PALLD: variants seen among roughly 807,000 people sequenced by gnomAD.
PALLD encodes palladin, cytoskeletal associated protein, also known as palladin.
PALLD carries 61 observed loss-of-function variants against 123.5 expected under a neutral mutation model. That is an observed-to-expected ratio of 0.49 (90% CI 0.40 to 0.61). The LOEUF (loss-of-function observed/expected upper bound fraction) is 0.61. PALLD is among the 20% of genes least tolerant of loss of function. PALLD has a pLI of 0.00. For missense variants in PALLD, 1,273 were observed against 1,377.0 expected (o/e 0.92, Z 1.20); for synonymous variants, 465 against 496.4 (o/e 0.94, Z 0.84).
intron 17 of PALLD, among the ~76,000 whole-genome samples, chr4:168,920,617 GTTA>G (rs1761281621): frequency 6.6e-6 from 1 of 152,082 alleles, no homozygotes; most frequent in African/African-American, 2.4e-5. Flanking sequence ...GGCACAACAT[GTTA>G]TTAGCAATTA....
At chr4:168,682,160 C>A (rs905701244) in intron 4 of PALLD, among the ~76,000 whole-genome samples, 1 of 152,058 alleles carries the variant, frequency 6.6e-6, no homozygotes, top group South Asian at 2.1e-4. Flanking sequence ...CAAAGACATA[C>A]CAATTATTAA....
Position 168,580,528 on chromosome 4 carries a change from G to A in PALLD, c.908+68116G>A, listed in dbSNP as rs376861971. On this transcript the variant is annotated intron_variant, in intron 2 of 21. Transcript: ENST00000505667. ...AAATGCTTATACACTGCTGGTGAGA[G>A]TATAAATTACTTCAACCATTGTGGA... 1.2e-4 allele frequency among the ~76,000 whole-genome samples: 19 copies of A among 152,092 alleles called. 1 individual carries two copies. The East Asian group carries it at 1.4e-3, about 11-fold the overall frequency.
At chr4:168,670,442 GC>G (rs1415160736) in intron 3 of PALLD, among the ~76,000 whole-genome samples, 2 of 151,952 alleles carry the variant, frequency 1.3e-5, no homozygotes, top group African/African-American at 4.8e-5. Flanking sequence ...TTTAAAAAAA[GC>G]CGGGCGCGGG....
At chr4:168,527,936 T>C (rs909974403) in intron 2 of PALLD, among the ~76,000 whole-genome samples, 4 of 152,194 alleles carry the variant, frequency 2.6e-5, no homozygotes, top group Non-Finnish European at 5.9e-5. Context: ...AACACAATGC[T>C]TCCCTGTGTT....
intron 3 of PALLD, among the ~76,000 whole-genome samples, chr4:168,679,054 G>A (rs367826434): frequency 1.4e-3 from 191 of 140,864 alleles, no homozygotes; most frequent in African/African-American, 4.9e-3. Context: ...GTGGGTGTGT[G>A]TAGGTGCGTG....
At chr4:168,585,450 A>C (rs1770716014) in intron 2 of PALLD, among the ~76,000 whole-genome samples, 1 of 152,184 alleles carries the variant, frequency 6.6e-6, no homozygotes, top group African/African-American at 2.4e-5. Flanking sequence ...ATTTGCAACC[A>C]GCCTTATGCC....
chr4:168,624,007 ACAT>A (rs1446559265), intron 2 of PALLD, among the ~76,000 whole-genome samples: 2 of 152,234 alleles, frequency 1.3e-5, no homozygotes, highest in African/African-American at 2.4e-5. Context: ...ATATTATCTA[ACAT>A]CATTTTTTCA....
chr4:168,729,928 TGCCAATCTG>T (rs1786990075), intron 10 of PALLD, among the ~76,000 whole-genome samples: 1 of 152,206 alleles, frequency 6.6e-6, no homozygotes, highest in Non-Finnish European at 1.5e-5. Flanking sequence ...CAAAATTCAG[TGCCAATCTG>T]GTTTCTAATC....
At chr4:168,542,717 C>CATATATATATATATAT (rs70961531) in intron 2 of PALLD, among the ~76,000 whole-genome samples, 11 of 88,938 alleles carry the variant, frequency 1.2e-4, no homozygotes, top group Non-Finnish European at 1.9e-4. Context: ...CTAACCTTTC[C>CATATATATATATATAT]ATATATATAT....
At chr4:168,603,696 G>T (rs1450565514) in intron 2 of PALLD, among the ~76,000 whole-genome samples, 1 of 152,022 alleles carries the variant, frequency 6.6e-6, no homozygotes, top group Non-Finnish European at 1.5e-5. Context: ...AGGCAAGTAA[G>T]GTTCAAAAAA....
At chr4:168,718,758 A>G (rs1393693280) in intron 10 of PALLD, among the ~76,000 whole-genome samples, 1 of 152,182 alleles carries the variant, frequency 6.6e-6, no homozygotes, top group Non-Finnish European at 1.5e-5. Flanking sequence ...CCTACCCACC[A>G]CATATACTGT....
chr4:168,680,530 A>G (rs1408599236), intron 3 of PALLD, among the ~76,000 whole-genome samples: 2 of 150,478 alleles, frequency 1.3e-5, no homozygotes, highest in Admixed American at 1.3e-4. Context: ...GGAACAATAC[A>G]CATCAGACTT....
chr4:168,599,107 C>T (rs751525109), intron 2 of PALLD, among the ~76,000 whole-genome samples: 12 of 152,174 alleles, frequency 7.9e-5, no homozygotes, highest in Non-Finnish European at 1.3e-4. Flanking sequence ...CGAATAGCCA[C>T]TCCAACTCCA....
At chr4:168,678,687 C>G (rs907318327) in intron 3 of PALLD, among the ~76,000 whole-genome samples, 3 of 152,094 alleles carry the variant, frequency 2.0e-5, no homozygotes, top group Admixed American at 6.6e-5. Flanking sequence ...GCCCGTGCCC[C>G]TCCCCTGCTT....
rs35555541 is a variant in PALLD, at chr4:168,527,422, C to CAAAAAAAAAAAAAAAAAA, written c.908+15015_908+15032dup. 2.7e-3 allele frequency among the ~76,000 whole-genome samples: 142 copies of CAAAAAAAAAAAAAAAAAA among 52,896 alleles called. 10 individuals are homozygous for CAAAAAAAAAAAAAAAAAA. Among genetic ancestry groups the CAAAAAAAAAAAAAAAAAA allele is most frequent in the African/African-American group, 4.3e-3 (38 of 8,858 alleles). 34.7% of individuals were successfully genotyped at this position (52,896 alleles called of 152,430 possible). A position where few individuals can be genotyped will look rare whatever the true frequency, so the allele number is the denominator to read the frequency against. ...GGGCAACAGGAGTGAAACTCCATCT[C>CAAAAAAAAAAAAAAAAAA]AAAAAAAAAAAAAAAAAAAAAAGTC... On this transcript the variant is annotated intron_variant, in intron 2 of 21. Transcript: ENST00000505667.
At chr4:168,898,269 C>A in intron 13 of PALLD, 1 of 572,950 alleles carries the variant, frequency 1.7e-6, no homozygotes, top group South Asian at 2.1e-5. Context: ...CTTTCCTACC[C>A]CCCTCTTTTT....
At chr4:168,675,792 A>G (rs557056040) in intron 3 of PALLD, among the ~76,000 whole-genome samples, 1 of 152,376 alleles carries the variant, frequency 6.6e-6, no homozygotes, top group Admixed American at 6.5e-5. Flanking sequence ...ATGGTGGCTC[A>G]TGCCTATAAT....
At chr4:168,539,590 A>T (rs980894790) in intron 2 of PALLD, among the ~76,000 whole-genome samples, 1 of 150,438 alleles carries the variant, frequency 6.6e-6, no homozygotes, top group African/African-American at 2.4e-5. Flanking sequence ...TAAATAAATA[A>T]ATAAATAAAT....
At chr4:168,670,558 C>T (rs1221679590) in intron 3 of PALLD, among the ~76,000 whole-genome samples, 7 of 149,486 alleles carry the variant, frequency 4.7e-5, no homozygotes, top group African/African-American at 1.5e-4. Flanking sequence ...AAGGTGAAAC[C>T]CCGTCTCTAC....
Sources: gnomAD v4.1 joint callset for allele counts (sites outside exome capture counted in the v4.1 genomes callset) on GRCh38, gnomAD v4.1.1 for gene constraint, MANE v1.5 for transcripts, NCBI Gene and HGNC (gene_info 2026-07-23, HGNC 2026-07-21) for gene names.